The following SLC44A1 variants were observed in gnomAD, a reference collection of about 807,000 sequenced individuals.
SLC44A1 encodes solute carrier family 44 member 1.
SLC44A1 carries 26 observed loss-of-function variants against 79.3 expected under a neutral mutation model. That is an observed-to-expected ratio of 0.33 (90% CI 0.24 to 0.46). The LOEUF (loss-of-function observed/expected upper bound fraction) is 0.46. SLC44A1 is among the 20% of genes least tolerant of loss of function. SLC44A1 has a pLI of 1.00. For synonymous variants in SLC44A1, 263 were observed against 286.2 expected (o/e 0.92, Z 0.82); for missense variants, 688 against 798.1 (o/e 0.86, Z 1.66).
intron 15 of SLC44A1, among the ~76,000 whole-genome samples, chr9:105,408,185 G>A (rs1489314029): frequency 6.6e-6 from 1 of 152,064 alleles, no homozygotes; most frequent in Non-Finnish European, 1.5e-5. Flanking sequence ...ACAAAAAACT[G>A]AAAGAAATCA....
At chr9:105,289,060 A>G (rs1233539573) in intron 1 of SLC44A1, among the ~76,000 whole-genome samples, 1 of 152,228 alleles carries the variant, frequency 6.6e-6, no homozygotes, top group East Asian at 1.9e-4. Context: ...GGGAAAAGGA[A>G]TCTGCTTATG....
intron 1 of SLC44A1, among the ~76,000 whole-genome samples, chr9:105,248,538 G>A (rs929051922): frequency 6.6e-6 from 1 of 152,080 alleles, no homozygotes; most frequent in African/African-American, 2.4e-5. Context: ...AGTGAGTCAG[G>A]GCTCTTAAGG....
chr9:105,320,657 G>C (rs534344702), intron 3 of SLC44A1, among the ~76,000 whole-genome samples: 13 of 152,120 alleles, frequency 8.5e-5, no homozygotes, highest in Non-Finnish European at 1.8e-4. Flanking sequence ...CATGATTATA[G>C]CACGCTACAG....
Position 105,244,910 on chromosome 9 carries a change from G to C in SLC44A1, c.36+6G>C. The C allele has an allele frequency of 5.1e-6, 6 of 1,181,486 alleles. No homozygotes were observed. Among genetic ancestry groups the C allele is most frequent in the Non-Finnish European group, 6.3e-6 (6 of 956,546 alleles). 73.2% of individuals were successfully genotyped at this position (1,181,486 alleles called of 1,614,324 possible). A position where few individuals can be genotyped will look rare whatever the true frequency, so the allele number is the denominator to read the frequency against. On this transcript the variant is annotated splice_donor_region_variant and intron_variant, in intron 1 of 15. Coordinates refer to ENST00000374720, the MANE Select transcript of SLC44A1 (RefSeq NM_080546.5). ...CCGCCTCCTCCGCCGCGCAGGTGAG[G>C]GGCTCCCGCCTCCCGGCCGCCCGCC...
At chr9:105,299,743 G>A in intron 2 of SLC44A1, 1 of 982,844 alleles carries the variant, frequency 1.0e-6, no homozygotes, top group Non-Finnish European at 1.2e-6. Context: ...CCTGTCCTAG[G>A]CCCCTGCTGC....
intron 15 of SLC44A1, among the ~76,000 whole-genome samples, chr9:105,425,823 A>C (rs1564060034): frequency 1.3e-5 from 2 of 152,138 alleles, no homozygotes; most frequent in African/African-American, 2.4e-5. Context: ...ACTCTGTCAA[A>C]AAACAAACAA....
chr9:105,252,979 T>A (rs1829624682), intron 1 of SLC44A1, among the ~76,000 whole-genome samples: 1 of 152,258 alleles, frequency 6.6e-6, no homozygotes, highest in African/African-American at 2.4e-5. Flanking sequence ...TGCCAGTTTT[T>A]CCCCTCTGGG....
chr9:105,437,302 T>TATGTATAGATAGATATCTAG (rs1207231775), intron 15 of SLC44A1, among the ~76,000 whole-genome samples: 3 of 152,084 alleles, frequency 2.0e-5, no homozygotes, highest in Non-Finnish European at 4.4e-5. Context: ...TCTATATCTA[T>TATGTATAGATAGATATCTAG]ATGTATAGAT....
chr9:105,416,609 A>G (rs1264523722), intron 15 of SLC44A1, among the ~76,000 whole-genome samples: 2 of 152,190 alleles, frequency 1.3e-5, no homozygotes, highest in African/African-American at 2.4e-5. Context: ...GCTAAGGCAT[A>G]AAGGTGTGAA....
intron 1 of SLC44A1, among the ~76,000 whole-genome samples, chr9:105,252,843 G>A (rs1006299184): frequency 6.6e-6 from 1 of 152,080 alleles, no homozygotes; most frequent in Non-Finnish European, 1.5e-5. Flanking sequence ...TAATTTATTT[G>A]GAATATAGCA....
intron 15 of SLC44A1, among the ~76,000 whole-genome samples, chr9:105,424,403 G>A (rs1003430957): frequency 6.6e-6 from 1 of 152,216 alleles, no homozygotes; most frequent in Non-Finnish European, 1.5e-5. Flanking sequence ...CCACAGGTAA[G>A]CGTGAGCAGC....
At chr9:105,428,404 A>C (rs1365323258) in intron 15 of SLC44A1, among the ~76,000 whole-genome samples, 4 of 152,106 alleles carry the variant, frequency 2.6e-5, no homozygotes, top group Admixed American at 6.6e-5. Context: ...ACTTGTGTGG[A>C]TATTTTGTCA....
chr9:105,371,145 T>A (rs1456663772), intron 12 of SLC44A1, among the ~76,000 whole-genome samples: 2 of 152,180 alleles, frequency 1.3e-5, no homozygotes, highest in African/African-American at 4.8e-5. Context: ...GTGGAGGAAG[T>A]TACTAAAACT....
chr9:105,354,435 A>G (rs545383588), intron 5 of SLC44A1, among the ~76,000 whole-genome samples: 4 of 152,254 alleles, frequency 2.6e-5, no homozygotes, highest in African/African-American at 9.6e-5. Flanking sequence ...TTTTTGCATC[A>G]TTAGTGAAGC....
chr9:105,323,050 TAAA>T (rs533723900), intron 3 of SLC44A1, among the ~76,000 whole-genome samples: 1 of 138,542 alleles, frequency 7.2e-6, no homozygotes. Context: ...CCCCGTCTAT[TAAA>T]AAAAAAAAAA....
chr9:105,356,096 T>G, intron 5 of SLC44A1, 116 bp from the exon 6 acceptor site: 1 of 753,804 alleles, frequency 1.3e-6, no homozygotes, highest in Non-Finnish European at 2.3e-6. Context: ...CCCATAATGA[T>G]GTGTGGAGGG....
At chr9:105,414,001 AT>A (rs1299709068) in intron 15 of SLC44A1, among the ~76,000 whole-genome samples, 4 of 151,624 alleles carry the variant, frequency 2.6e-5, no homozygotes, top group Admixed American at 6.6e-5. Flanking sequence ...AAAAAAAAAA[AT>A]AGATGGACTC....
intron 14 of SLC44A1, among the ~76,000 whole-genome samples, chr9:105,383,946 C>A (rs540636115): frequency 3.3e-5 from 5 of 152,218 alleles, no homozygotes; most frequent in African/African-American, 7.2e-5. Context: ...AATTAAATTT[C>A]TTTAAAATTT....
intron 1 of SLC44A1, among the ~76,000 whole-genome samples, chr9:105,274,094 C>A (rs1468959552): frequency 2.6e-5 from 4 of 152,076 alleles, no homozygotes; most frequent in East Asian, 1.9e-4. Flanking sequence ...AATAAAAAAA[C>A]CAGTAAAGGA....
Sources: allele counts gnomAD v4.1 joint callset (sites outside exome capture counted in the v4.1 genomes callset), GRCh38; gene constraint gnomAD v4.1.1; transcripts MANE v1.5; gene names NCBI Gene and HGNC (gene_info 2026-07-23, HGNC 2026-07-21).